The following CKMT2 variants were observed in gnomAD, a reference collection of about 807,000 sequenced individuals.
The protein encoded by CKMT2 is creatine kinase S-type, mitochondrial.
In CKMT2, 43 loss-of-function variants were observed where a neutral mutation model predicts 48.9. The observed-to-expected ratio is 0.88, with a 90% CI of 0.69 to 1.13. The LOEUF is 1.13. Ranked by LOEUF, CKMT2 falls within the 50% of genes most tolerant of loss-of-function variation. CKMT2 has a pLI of 0.00. For synonymous variants in CKMT2, 206 were observed against 213.0 expected (o/e 0.97, Z 0.29); for missense variants, 472 against 555.4 (o/e 0.85, Z 1.51).
At chr5:81,234,124 C>T (rs571439076) in intron 1 of CKMT2, among the ~76,000 whole-genome samples, 3 of 150,620 alleles carry the variant, frequency 2.0e-5, no homozygotes, top group South Asian at 2.1e-4. Flanking sequence ...TTGGTTGTCC[C>T]GGGGTTAAAA....
chr5:81,244,842 TC>T (rs1756553661), intron 1 of CKMT2: 1 of 143,086 alleles, frequency 7.0e-6, no homozygotes, highest in African/African-American at 2.6e-5. Context: ...TGCATCCCCC[TC>T]ACTATTTTTT....
At chr5:81,244,098 C>G (rs2112789982) in intron 1 of CKMT2, 1 of 985,420 alleles carries the variant, frequency 1.0e-6, no homozygotes, top group African/African-American at 1.7e-5. Flanking sequence ...GGGGAGGAAC[C>G]AGGGGAGATG....
chr5:81,249,528 T>G (rs993754428), intron 1 of CKMT2, among the ~76,000 whole-genome samples: 7 of 152,236 alleles, frequency 4.6e-5, no homozygotes, highest in African/African-American at 1.7e-4. Flanking sequence ...CTCTAGGCAG[T>G]AGCAGACCCA....
At chr5:81,252,409 A>C (rs994234962) in intron 2 of CKMT2, 48 of 449,322 alleles carry the variant, frequency 1.1e-4, no homozygotes, top group Non-Finnish European at 1.7e-4. Context: ...CTCCAGGGTA[A>C]GACAGCACCC....
At chr5:81,251,812 AG>A (rs1463167275) in intron 2 of CKMT2, 1 of 153,696 alleles carries the variant, frequency 6.5e-6, no homozygotes, top group Non-Finnish European at 1.4e-5. Flanking sequence ...CCAGTTGCAT[AG>A]TAATAATGGG....
chr5:81,252,301 G>A (rs935051602), intron 2 of CKMT2: 9 of 215,486 alleles, frequency 4.2e-5, no homozygotes, highest in Admixed American at 5.2e-5. Flanking sequence ...TGAGGGAATC[G>A]CCAGCAACCC....
intron 5 of CKMT2, 36 bp from the exon 6 acceptor site, chr5:81,256,879 G>A: frequency 6.7e-7 from 1 of 1,495,816 alleles, no homozygotes; most frequent in Non-Finnish European, 9.3e-7. Flanking sequence ...GATCTCATCA[G>A]TCTCTCCTCT....
At position 81,263,318 on chromosome 5, in the gene CKMT2, TTTAG is replaced by T. The variant is rs199898679; in HGVS notation, c.1015-169_1015-166del. 1.7e-3 allele frequency among the ~76,000 whole-genome samples: 255 copies of T among 149,706 alleles called. 1 individual carries two copies. The highest frequency in any genetic ancestry group is 5.6e-3 in the African/African-American group (229 of 40,990). The stretch of plus-strand genomic sequence containing the variant: ...TGCACATGTATCCCAGAACGCTTTA[TTTAG>T]TTAATCTATATATTCAATATATATA... On this transcript the variant is annotated intron_variant, in intron 8 of 9. Transcript: ENST00000254035.
chr5:81,239,647 G>A (rs1035886533), intron 1 of CKMT2, among the ~76,000 whole-genome samples: 14 of 152,162 alleles, frequency 9.2e-5, no homozygotes, highest in Non-Finnish European at 1.9e-4. Flanking sequence ...ACTTTGGTAT[G>A]CTTAAGACCT....
At chr5:81,235,695 C>T (rs1756223107) in intron 1 of CKMT2, 1 of 152,074 alleles carries the variant, frequency 6.6e-6, no homozygotes, top group Non-Finnish European at 1.5e-5. Flanking sequence ...TCTGAACTCC[C>T]AGTATACCTG....
chr5:81,255,334 C>G, intron 5 of CKMT2, 120 bp downstream of exon 5: 1 of 826,722 alleles, frequency 1.2e-6, no homozygotes, highest in South Asian at 1.5e-5. Flanking sequence ...CTGGGCTCCA[C>G]CCCTGAGCTC....
At chr5:81,254,048 C>T (rs76443304) in intron 3 of CKMT2, among the ~76,000 whole-genome samples, 10,155 of 152,234 alleles carry the variant, frequency 0.067, 412 homozygotes, top group Admixed American at 0.098. Context: ...AGAGCAAACA[C>T]GTCTAGGAAA....
At chr5:81,242,421 A>G in intron 1 of CKMT2, 1 of 512,982 alleles carries the variant, frequency 1.9e-6, no homozygotes, top group South Asian at 1.5e-5. Flanking sequence ...GCAACCAACC[A>G]CTTTACAGGG....
chr5:81,265,144 T>G (rs1757345453), intron 9 of CKMT2, among the ~76,000 whole-genome samples: 1 of 152,186 alleles, frequency 6.6e-6, no homozygotes, highest in Non-Finnish European at 1.5e-5. Context: ...GTTCCCTATT[T>G]ATAATCAAGT....
At chr5:81,254,676 C>T (rs2112809491) in intron 4 of CKMT2, 185 bp downstream of exon 4, 1 of 600,190 alleles carries the variant, frequency 1.7e-6, no homozygotes, top group Admixed American at 3.0e-5. Context: ...AGTCTGTTTT[C>T]TTTAATAAAT....
At chr5:81,249,730 T>C (rs1020091387) in intron 1 of CKMT2, among the ~76,000 whole-genome samples, 1 of 152,226 alleles carries the variant, frequency 6.6e-6, no homozygotes, top group Non-Finnish European at 1.5e-5. Context: ...GTTATTGATC[T>C]GTTTTTTATC....
chr5:81,263,464 C>T, intron 8 of CKMT2, 27 bp from the exon 9 acceptor site: 1 of 1,544,232 alleles, frequency 6.5e-7, no homozygotes. Flanking sequence ...CCTCTTAGCA[C>T]ATTTAAGTAT....
At chr5:81,246,773 G>A (rs931310069) in intron 1 of CKMT2, 4 of 152,242 alleles carry the variant, frequency 2.6e-5, no homozygotes, top group African/African-American at 7.2e-5. Context: ...CAATTAGAGT[G>A]GAGGGGATGG....
chr5:81,260,695 A>T (rs867049359), intron 8 of CKMT2, among the ~76,000 whole-genome samples: 6 of 152,200 alleles, frequency 3.9e-5, no homozygotes, highest in Non-Finnish European at 8.8e-5. Flanking sequence ...TAGACCAAAA[A>T]CAAGTTCTGA....
Sources: allele counts gnomAD v4.1 joint callset (sites outside exome capture counted in the v4.1 genomes callset), GRCh38; gene constraint gnomAD v4.1.1; transcripts MANE v1.5; gene names NCBI Gene and HGNC (gene_info 2026-07-23, HGNC 2026-07-21).